VAX2: variants seen among roughly 807,000 people sequenced by gnomAD.
VAX2 encodes ventral anterior homeobox 2.
VAX2 carries 8 observed loss-of-function variants against 12.5 expected under a neutral mutation model. That is an observed-to-expected ratio of 0.64 (90% confidence interval 0.37 to 1.15). The LOEUF (loss-of-function observed/expected upper bound fraction) is 1.15. Ranked by LOEUF, VAX2 falls within the 50% of genes most tolerant of loss-of-function variation. VAX2 has a pLI of 0.01. For missense variants in VAX2, 476 were observed against 412.9 expected (o/e 1.15, Z -1.32); for synonymous variants, 183 against 187.6 (o/e 0.98, Z 0.20).
chr2:70,926,743 T>A (rs1255544435), intron 2 of VAX2, among the ~76,000 whole-genome samples: 1 of 152,192 alleles, frequency 6.6e-6, no homozygotes, highest in African/African-American at 2.4e-5. Context: ...TCTGACCAGA[T>A]GATGTGATCA....
intron 1 of VAX2, among the ~76,000 whole-genome samples, chr2:70,911,381 C>A (rs1421856725): frequency 6.6e-6 from 1 of 152,126 alleles, no homozygotes; most frequent in African/African-American, 2.4e-5. Flanking sequence ...TCCCCCTTTT[C>A]TCCCTCTTGC....
chr2:70,922,295 G>A (rs1679477062), intron 2 of VAX2, among the ~76,000 whole-genome samples: 2 of 152,226 alleles, frequency 1.3e-5, no homozygotes, highest in African/African-American at 4.8e-5. Context: ...AGGAAGGGAG[G>A]AGGGGAATGC....
At chr2:70,903,914 A>G (rs555974472) in intron 1 of VAX2, among the ~76,000 whole-genome samples, 127 of 152,180 alleles carry the variant, frequency 8.3e-4, no homozygotes, top group Admixed American at 1.9e-3. Flanking sequence ...GCCCTCCCCA[A>G]TCTCCTTGGT....
intron 1 of VAX2, among the ~76,000 whole-genome samples, chr2:70,903,379 T>A (rs2104755213): frequency 6.6e-6 from 1 of 152,318 alleles, no homozygotes; most frequent in South Asian, 2.1e-4. Context: ...GGGTCCTTTC[T>A]GCCTCCCTTT....
intron 1 of VAX2, among the ~76,000 whole-genome samples, chr2:70,907,581 T>A (rs1271753559): frequency 6.6e-6 from 1 of 152,200 alleles, no homozygotes; most frequent in Non-Finnish European, 1.5e-5. Flanking sequence ...CATTCCCCAC[T>A]ACTTGGCAGC....
intron 1 of VAX2, among the ~76,000 whole-genome samples, chr2:70,901,864 C>A (rs1287062821): frequency 6.6e-6 from 1 of 152,208 alleles, no homozygotes; most frequent in Non-Finnish European, 1.5e-5. Flanking sequence ...CCGGGAGACC[C>A]AGCGCCAGAA....
chr2:70,909,291 G>C, intron 1 of VAX2, among the ~76,000 whole-genome samples: 1 of 151,854 alleles, frequency 6.6e-6, no homozygotes, highest in African/African-American at 2.4e-5. Flanking sequence ...TCAGCCTCTG[G>C]AGTAACTGAG....
chr2:70,933,105 G>A lies in VAX2; in HGVS notation c.774G>A (p.Leu258=). 1 of 1,609,626 alleles carries A rather than the reference G, an allele frequency of 6.2e-7. No individual in the cohort carries two copies. Residue 258 remains leucine (L), a synonymous_variant, in exon 3 of 3, where the codon CTG becomes CTA. Coordinates refer to ENST00000234392, the MANE Select transcript of VAX2 (RefSeq NM_012476.3). The part of the protein sequence containing the change: ...VCFSSAPLLD[L]PAGYELGSSA... ...TTTCCTCGGCCCCGCTCCTGGATCTGCCTGCCGGCTACGAACTGGGTTCCT... is the reference window on the plus strand; with the variant it reads ...TTTCCTCGGCCCCGCTCCTGGATCTACCTGCCGGCTACGAACTGGGTTCCT...
intron 1 of VAX2, among the ~76,000 whole-genome samples, chr2:70,906,312 G>A (rs1189005568): frequency 2.0e-5 from 3 of 152,150 alleles, no homozygotes; most frequent in African/African-American, 4.8e-5. Flanking sequence ...ATTCAGCACT[G>A]CAGAAAGAGG....
At position 70,919,079 on chromosome 2, in the gene VAX2, G is replaced by A. The variant is rs1475840797; in HGVS notation, c.248-2019G>A. On this transcript the variant is annotated intron_variant, in intron 1 of 2. Transcript: ENST00000234392. The stretch of plus-strand genomic sequence containing the variant: ...TAGCCAGGCATGGTGGCGCACGCCT[G>A]TAGTCCCAGTTACTCGGGAGGCTGA... Among the ~76,000 whole-genome samples the A allele has an allele frequency of 2.5e-4, 38 of 149,912 alleles. 1 individual carries two copies. The highest frequency in any genetic ancestry group is 6.0e-4 in the Admixed American group (9 of 15,032).
intron 1 of VAX2, among the ~76,000 whole-genome samples, chr2:70,905,663 C>T (rs1276896501): frequency 6.6e-6 from 1 of 152,232 alleles, no homozygotes; most frequent in Admixed American, 6.5e-5. Context: ...GAACTGCCAC[C>T]GCATCCCCTT....
At chr2:70,917,811 G>A (rs1553412233) in intron 1 of VAX2, among the ~76,000 whole-genome samples, 1 of 152,092 alleles carries the variant, frequency 6.6e-6, no homozygotes, top group East Asian at 1.9e-4. Context: ...AGGGACTCAG[G>A]CTCAGATGCT....
At position 70,904,635 on chromosome 2, in the gene VAX2, G is replaced by A. The variant is rs1476693722; in HGVS notation, c.247+3767G>A. ...AAACCCTCCGAACCCCTGTGTCTGG[G>A]AGCAGTAGGGTGGGATGACTGCAGG... is the stretch of plus-strand genomic sequence containing the variant. On this transcript the variant is annotated intron_variant, in intron 1 of 2. Transcript: ENST00000234392. This position sits in a 1 kb window ranked among gnomAD's most constrained non-coding sequence, Gnocchi z 4.2. Among the ~76,000 whole-genome samples, 1 of 152,186 alleles carries A rather than the reference G, an allele frequency of 6.6e-6. No homozygotes were observed. Among genetic ancestry groups the A allele is most frequent in the Non-Finnish European group, 1.5e-5 (1 of 68,044 alleles).
chr2:70,927,806 C>T (rs3771388), intron 2 of VAX2, among the ~76,000 whole-genome samples: 73,934 of 151,488 alleles, frequency 0.49, 19,249 homozygotes, highest in East Asian at 0.72. Flanking sequence ...AGCAAGAGAT[C>T]GCGGAGGGGG....
intron 2 of VAX2, among the ~76,000 whole-genome samples, chr2:70,925,379 C>T (rs1481078001): frequency 6.6e-6 from 1 of 152,070 alleles, no homozygotes; most frequent in African/African-American, 2.4e-5. Context: ...CATATTAGGA[C>T]TTGCTCATGG....
At chr2:70,914,792 T>C (rs2104768670) in intron 1 of VAX2, among the ~76,000 whole-genome samples, 2 of 148,598 alleles carry the variant, frequency 1.3e-5, no homozygotes, top group South Asian at 4.4e-4. Flanking sequence ...TTTATCAGGC[T>C]ATTTACTTAA....
intron 1 of VAX2, among the ~76,000 whole-genome samples, chr2:70,906,770 G>T (rs996467067): frequency 6.6e-6 from 1 of 151,994 alleles, no homozygotes; most frequent in Admixed American, 6.6e-5. Flanking sequence ...CTGCTGGCAC[G>T]CAGCTTCCCA....
At chr2:70,910,089 T>C (rs1390470063) in intron 1 of VAX2, among the ~76,000 whole-genome samples, 1 of 152,156 alleles carries the variant, frequency 6.6e-6, no homozygotes, top group Non-Finnish European at 1.5e-5. Flanking sequence ...AATAGTATTA[T>C]AGGTGACTTT....
chr2:70,910,954 G>A (rs1553411169), intron 1 of VAX2, among the ~76,000 whole-genome samples: 1 of 151,302 alleles, frequency 6.6e-6, no homozygotes, highest in Admixed American at 6.6e-5. Flanking sequence ...TCTTCATCCA[G>A]CATTTAAAAC....
Sources: allele counts gnomAD v4.1 joint callset (sites outside exome capture counted in the v4.1 genomes callset), GRCh38; gene constraint gnomAD v4.1.1; non-coding constraint Gnocchi (gnomAD v3.1); transcripts MANE v1.5; gene names NCBI Gene and HGNC (gene_info 2026-07-23, HGNC 2026-07-21).